KCNH1: variants seen among roughly 807,000 people sequenced by gnomAD.
The protein encoded by KCNH1 is potassium voltage-gated channel subfamily H member 1, also known as voltage-gated delayed rectifier potassium channel KCNH1.
Under a neutral mutation model 69.2 loss-of-function variants are expected in KCNH1, and 27 were observed. The ratio of observed to expected loss-of-function variants is 0.39; its 90% confidence interval spans 0.29 to 0.54. The LOEUF is 0.54. KCNH1 is among the 20% of genes least tolerant of loss of function. The probability of loss-of-function intolerance (pLI) is 0.68; values close to 1 mark genes in which losing one functional copy is unlikely to be tolerated. For missense variants in KCNH1, 798 were observed against 1,261.6 expected, an observed-to-expected ratio of 0.63 and a Z score of 5.57; for synonymous variants, 456 against 487.7, an observed-to-expected ratio of 0.93 and a Z score of 0.86.
intron 10 of KCNH1, among the ~76,000 whole-genome samples, chr1:210,765,401 A>G (rs1237945706): frequency 1.3e-5 from 2 of 152,184 alleles, no homozygotes; most frequent in East Asian, 3.9e-4. Flanking sequence ...TCTAAAATTT[A>G]ATAAAACAAA....
At chr1:211,122,783 A>G (rs879471674) in intron 1 of KCNH1, among the ~76,000 whole-genome samples, 6 of 152,212 alleles carry the variant, frequency 3.9e-5, no homozygotes, top group Non-Finnish European at 7.3e-5. Flanking sequence ...CAATGAGAAC[A>G]CATGGACACA....
At chr1:211,001,251 T>G (rs1207605279) in intron 6 of KCNH1, among the ~76,000 whole-genome samples, 2 of 152,306 alleles carry the variant, frequency 1.3e-5, no homozygotes, top group East Asian at 3.9e-4. Flanking sequence ...AGAACATTTT[T>G]GCAATCTACT....
intron 5 of KCNH1, among the ~76,000 whole-genome samples, chr1:211,056,548 G>A (rs745367500): frequency 6.6e-6 from 1 of 152,168 alleles, no homozygotes; most frequent in Middle Eastern, 3.2e-3. Context: ...GTGAACATAA[G>A]CAATAGCCAG....
At chr1:210,739,593 T>C (rs1214964538) in intron 10 of KCNH1, among the ~76,000 whole-genome samples, 2 of 152,228 alleles carry the variant, frequency 1.3e-5, no homozygotes, top group East Asian at 3.8e-4. Flanking sequence ...AGGCTTGTTA[T>C]CATTGAAAAG....
intron 10 of KCNH1, among the ~76,000 whole-genome samples, chr1:210,696,352 C>T (rs912909662): frequency 3.3e-5 from 5 of 152,130 alleles, no homozygotes; most frequent in African/African-American, 1.2e-4. Flanking sequence ...CCATTATTTC[C>T]ATTATTAATC....
At chr1:210,980,218 T>C (rs890205806) in intron 6 of KCNH1, among the ~76,000 whole-genome samples, 1 of 152,200 alleles carries the variant, frequency 6.6e-6, no homozygotes, top group East Asian at 1.9e-4. Flanking sequence ...ACAAGGTATA[T>C]GAGCTCAACT....
chr1:210,785,232 T>C (rs1157940709), intron 9 of KCNH1, among the ~76,000 whole-genome samples: 22 of 152,010 alleles, frequency 1.4e-4, no homozygotes, highest in Non-Finnish European at 1.5e-5. Context: ...TATGGTGAGG[T>C]GAGATAATTA....
At chr1:210,717,552 G>A (rs941058738) in intron 10 of KCNH1, among the ~76,000 whole-genome samples, 5 of 152,156 alleles carry the variant, frequency 3.3e-5, no homozygotes, top group Non-Finnish European at 7.3e-5. Context: ...AGATCCAAAC[G>A]GCTAGGAACA....
At chr1:211,027,711 T>C (rs1411251831) in intron 5 of KCNH1, among the ~76,000 whole-genome samples, 1 of 151,400 alleles carries the variant, frequency 6.6e-6, no homozygotes, top group Non-Finnish European at 1.5e-5. Flanking sequence ...ATAGAAAGTA[T>C]CTGAACAATA....
chr1:211,128,057 A>AAAGTTG (rs1558616402), intron 1 of KCNH1, among the ~76,000 whole-genome samples: 1 of 152,092 alleles, frequency 6.6e-6, no homozygotes, highest in Non-Finnish European at 1.5e-5. Flanking sequence ...TTGGAAGGCC[A>AAAGTTG]AGGCGGGCGG....
chr1:211,018,696 A>G, intron 6 of KCNH1, 87 bp downstream of exon 6: 1 of 1,016,760 alleles, frequency 9.8e-7, no homozygotes, highest in East Asian at 2.4e-5. Context: ...GCTATTTCCC[A>G]CCCATTTAAT....
chr1:210,887,427 G>A (rs536334105), intron 7 of KCNH1, among the ~76,000 whole-genome samples: 5 of 152,204 alleles, frequency 3.3e-5, no homozygotes, highest in South Asian at 2.1e-4. Context: ...ACCGGGACCA[G>A]CCACTGCAAA....
chr1:210,985,493 C>T (rs1473227684), intron 6 of KCNH1, among the ~76,000 whole-genome samples: 2 of 152,232 alleles, frequency 1.3e-5, no homozygotes, highest in East Asian at 1.9e-4. Flanking sequence ...TCTTTGTTCT[C>T]GCTGGTTTCA....
intron 10 of KCNH1, among the ~76,000 whole-genome samples, chr1:210,718,147 G>T (rs748130990): frequency 2.4e-4 from 35 of 147,276 alleles, no homozygotes; most frequent in Non-Finnish European, 3.7e-4. Context: ...AAAAAAATAG[G>T]TAAAATTAAT....
chr1:210,696,548 C>T (rs1681643759), intron 10 of KCNH1, among the ~76,000 whole-genome samples: 1 of 152,108 alleles, frequency 6.6e-6, no homozygotes, highest in African/African-American at 2.4e-5. Flanking sequence ...CCACTGAAAC[C>T]TATAGTGGGA....
chr1:211,042,769 C>T (rs7512644), intron 5 of KCNH1, among the ~76,000 whole-genome samples: 34,106 of 152,050 alleles, frequency 0.22, 3,967 homozygotes, highest in Non-Finnish European at 0.25. Flanking sequence ...ATATCAAGCA[C>T]TCTCTCAGAC....
intron 7 of KCNH1, among the ~76,000 whole-genome samples, chr1:210,911,906 C>T (rs1208776394): frequency 6.6e-6 from 1 of 152,154 alleles, no homozygotes; most frequent in African/African-American, 2.4e-5. Context: ...GCCCTCTTTC[C>T]CTTCCTGATT....
chr1:210,806,611 G>A lies in KCNH1; in HGVS notation c.1463-2445C>T, dbSNP rs991667811. 5.5e-5 allele frequency among the ~76,000 whole-genome samples: 5 copies of A among 90,172 alleles called. No individual in the cohort carries two copies. In the Middle Eastern group the frequency reaches 0.014, roughly 246 times the overall value. The allele number at this position is 90,172 out of a possible 152,430, so 59.2% of individuals were successfully genotyped here. ...TCTTCTTTGGTTTATTTGATTCAGC[G>A]TATTTTGGGATTCATCCATGTTACT... On this transcript the variant is annotated intron_variant, in intron 7 of 10. Coordinates refer to ENST00000271751, the MANE Select transcript of KCNH1 (RefSeq NM_172362.3).
At chr1:210,999,811 C>A (rs571325030) in intron 6 of KCNH1, among the ~76,000 whole-genome samples, 5 of 152,212 alleles carry the variant, frequency 3.3e-5, no homozygotes, top group African/African-American at 1.2e-4. Flanking sequence ...AAAAGCTTAT[C>A]CACTATGATC....
Sources: gnomAD v4.1 joint callset for allele counts (sites outside exome capture counted in the v4.1 genomes callset) on GRCh38, gnomAD v4.1.1 for gene constraint, MANE v1.5 for transcripts, NCBI Gene and HGNC (gene_info 2026-07-23, HGNC 2026-07-21) for gene names.